The following ADGRB3 variants were observed in gnomAD, a reference collection of about 807,000 sequenced individuals.
ADGRB3 encodes the protein adhesion G protein-coupled receptor B3, also known as brain-specific angiogenesis inhibitor 3.
ADGRB3 carries 37 observed loss-of-function variants against 193.4 expected under a neutral mutation model. The ratio of observed to expected loss-of-function variants is 0.19; its 90% CI spans 0.15 to 0.25. The LOEUF (loss-of-function observed/expected upper bound fraction) is 0.25, where lower values mean the gene tolerates loss of function less well. ADGRB3 is among the 10% of genes least tolerant of loss of function. The pLI is 1.00. For synonymous variants in ADGRB3, 690 were observed against 644.2 expected, an observed-to-expected ratio of 1.07 and a Z score of -1.08; for missense variants, 1,637 against 1,852.9, an observed-to-expected ratio of 0.88 and a Z score of 2.14.
intron 17 of ADGRB3, among the ~76,000 whole-genome samples, chr6:69,215,651 A>T (rs770157459): frequency 1.2e-4 from 19 of 152,180 alleles, no homozygotes; most frequent in Non-Finnish European, 2.2e-4. Context: ...CCTATCCCAC[A>T]ATTCTCATTA....
intron 17 of ADGRB3, among the ~76,000 whole-genome samples, chr6:69,114,207 A>C (rs1374907252): frequency 2.6e-5 from 4 of 152,192 alleles, no homozygotes; most frequent in Non-Finnish European, 5.9e-5. Context: ...ACCATTTTAC[A>C]GATAGAAAAC....
rs574249326 is a variant in ADGRB3 at position 69,099,568 on chromosome 6, A to G, written c.2480+23530A>G. Among the ~76,000 whole-genome samples the G allele has an allele frequency of 4.7e-4, 71 of 152,332 alleles. 2 individuals carry two copies. The highest frequency in any genetic ancestry group is 2.6e-4 in the Admixed American group (4 of 15,304). Reference sequence around the variant, plus strand: ...TAGGGAAGCCTTGGTCCTTTTCAACATCTTCTAAAAACACAATGGCCTTTC... The same window carrying G: ...TAGGGAAGCCTTGGTCCTTTTCAACGTCTTCTAAAAACACAATGGCCTTTC... On this transcript the variant is annotated intron_variant, in intron 17 of 31. Coordinates refer to ENST00000370598, the MANE Select transcript of ADGRB3 (RefSeq NM_001704.3).
chr6:69,232,606 T>C (rs1186601823), intron 17 of ADGRB3: 3 of 1,535,526 alleles, frequency 2.0e-6, no homozygotes, highest in South Asian at 2.4e-5. Flanking sequence ...CTGGACTGAG[T>C]GAAGTGTGGA....
intron 16 of ADGRB3, among the ~76,000 whole-genome samples, chr6:69,075,125 G>T (rs1384274842): frequency 6.6e-6 from 1 of 152,120 alleles, no homozygotes; most frequent in African/African-American, 2.4e-5. Context: ...GAGAGGTAGT[G>T]GTACTGCTTT....
intron 3 of ADGRB3, among the ~76,000 whole-genome samples, chr6:68,911,921 T>C (rs1766724405): frequency 6.6e-6 from 1 of 151,994 alleles, no homozygotes. Flanking sequence ...TTGAGACTTG[T>C]TTTTGAGGTC....
intron 20 of ADGRB3, among the ~76,000 whole-genome samples, chr6:69,267,090 T>G (rs1441022101): frequency 1.3e-5 from 2 of 152,128 alleles, no homozygotes; most frequent in Non-Finnish European, 2.9e-5. Context: ...TTTCCCCAAC[T>G]CTATTTGTCT....
At chr6:69,359,817 C>T (rs531977385) in intron 28 of ADGRB3, among the ~76,000 whole-genome samples, 25 of 151,928 alleles carry the variant, frequency 1.6e-4, no homozygotes, top group Non-Finnish European at 2.9e-4. Flanking sequence ...GAACCAACTT[C>T]GCACAGCGCT....
chr6:68,944,325 T>G (rs771999517), intron 6 of ADGRB3, among the ~76,000 whole-genome samples: 4 of 152,308 alleles, frequency 2.6e-5, no homozygotes, highest in Non-Finnish European at 4.4e-5. Context: ...AATTATTGCC[T>G]TCACACTGGA....
intron 15 of ADGRB3, among the ~76,000 whole-genome samples, chr6:69,057,962 T>C (rs1350982517): frequency 6.6e-6 from 1 of 151,968 alleles, no homozygotes; most frequent in East Asian, 1.9e-4. Flanking sequence ...TATAATGGGT[T>C]TAAAAGTGCT....
intron 17 of ADGRB3, among the ~76,000 whole-genome samples, chr6:69,207,525 T>C (rs1765566930): frequency 6.6e-6 from 1 of 152,186 alleles, no homozygotes; most frequent in Admixed American, 6.5e-5. Context: ...CCTAGAAATT[T>C]TACTGAGGTA....
At chr6:68,713,652 CT>C (rs1388445498) in intron 3 of ADGRB3, among the ~76,000 whole-genome samples, 1 of 151,192 alleles carries the variant, frequency 6.6e-6, no homozygotes. Context: ...AGATTGCCCT[CT>C]TTTTGCCCCT....
chr6:69,233,003 T>C (rs1280987339), intron 17 of ADGRB3: 1 of 449,974 alleles, frequency 2.2e-6, no homozygotes. Flanking sequence ...CCGCTGCCGC[T>C]GCTGTTCCTC....
chr6:69,012,856 G>T (rs1769975810), intron 11 of ADGRB3, among the ~76,000 whole-genome samples: 1 of 152,046 alleles, frequency 6.6e-6, no homozygotes, highest in Admixed American at 6.6e-5. Context: ...TGAGAAGCTG[G>T]ATAGGGAGGA....
chr6:68,948,303 G>A (rs190353358), intron 6 of ADGRB3, among the ~76,000 whole-genome samples: 92 of 152,230 alleles, frequency 6.0e-4, no homozygotes, highest in African/African-American at 2.1e-3. Context: ...CATCAGGCAA[G>A]CTGCTAATTA....
intron 3 of ADGRB3, among the ~76,000 whole-genome samples, chr6:68,904,096 A>G (rs1766476785): frequency 1.9e-5 from 1 of 53,902 alleles, no homozygotes; most frequent in Non-Finnish European, 4.4e-5. Context: ...GGCGGGAGGA[A>G]GGAAGGAAGG....
At position 69,048,205 on chromosome 6, in the gene ADGRB3, C is replaced by A; in HGVS notation, c.2128C>A (p.Pro710Thr). 6.2e-7 allele frequency: 1 copy of A among 1,612,262 alleles called. No individual in the cohort carries two copies. The highest frequency in any genetic ancestry group is 8.5e-7 in the Non-Finnish European group (1 of 1,179,410). ...AATAGTGGCTAGTATTCAGAAGCTT[C>A]CTGCAGCCTCTGTTCTAACAGACAT... is the stretch of plus-strand genomic sequence containing the variant. ...GNVVASIQKL[P>T]AASVLTDINF... Residue 710 changes from proline to threonine, a missense_variant, in exon 14 of 32, where the codon CCT (proline) becomes ACT (threonine). Physicochemically the swap from Pro to Thr is conservative, Grantham distance 38. Around this residue, in one of 7 missense-constraint regions of ADGRB3, gnomAD observed 641 missense variants for 673.9 expected, o/e 0.95. Transcript: ENST00000370598.
At chr6:69,232,093 AG>A (rs754705767) in intron 17 of ADGRB3, among the ~76,000 whole-genome samples, 9 of 152,206 alleles carry the variant, frequency 5.9e-5, no homozygotes, top group Non-Finnish European at 5.9e-5. Context: ...TTTTTCTCTT[AG>A]AGTTTTGAAG....
At chr6:68,646,686 T>G (rs2127278490) in intron 3 of ADGRB3, among the ~76,000 whole-genome samples, 1 of 152,214 alleles carries the variant, frequency 6.6e-6, no homozygotes, top group East Asian at 1.9e-4. Context: ...GTTTTGTTTT[T>G]GGGTAAGGAG....
intron 3 of ADGRB3, among the ~76,000 whole-genome samples, chr6:68,691,803 A>G (rs1002812208): frequency 3.3e-5 from 5 of 151,076 alleles, no homozygotes; most frequent in African/African-American, 4.9e-5. Context: ...TTTCTACTCT[A>G]CTTGTGAGTA....
Sources: gnomAD v4.1 joint callset for allele counts (sites outside exome capture counted in the v4.1 genomes callset) on GRCh38, gnomAD v4.1.1 for gene constraint, gnomAD v4.1.1 regional missense constraint, MANE v1.5 for transcripts, NCBI Gene and HGNC (gene_info 2026-07-23, HGNC 2026-07-21) for gene names.